The following UNC79 variants were observed in gnomAD, a reference collection of about 807,000 sequenced individuals.
UNC79 encodes the protein unc-79 subunit of NALCN channel complex, also known as protein unc-79 homolog.
UNC79 carries 37 observed loss-of-function variants against 283.1 expected under a neutral mutation model. That is an observed-to-expected ratio of 0.13 (90% confidence interval 0.10 to 0.17). The LOEUF is 0.17. Ranked by LOEUF, UNC79 falls within the 10% of genes least tolerant of loss-of-function variation. The pLI, the probability that UNC79 is intolerant of heterozygous loss-of-function variation, is 1.00. For missense variants in UNC79, 2,272 were observed against 3,211.1 expected, an observed-to-expected ratio of 0.71 and a Z score of 7.07; for synonymous variants, 1,107 against 1,200.2, an observed-to-expected ratio of 0.92 and a Z score of 1.61.
chr14:93,336,913 A>G (rs1360907049), intron 1 of UNC79, among the ~76,000 whole-genome samples: 1 of 152,094 alleles, frequency 6.6e-6, no homozygotes, highest in African/African-American at 2.4e-5. Context: ...TGTTTGGATC[A>G]TGAAGGCAGA....
chr14:93,387,436 G>T (rs1363926629), intron 1 of UNC79, among the ~76,000 whole-genome samples: 1 of 151,970 alleles, frequency 6.6e-6, no homozygotes, highest in Admixed American at 6.6e-5. Flanking sequence ...GGTATGCTAT[G>T]TTGCCATTAG....
chr14:93,489,362 A>G (rs1252179706), intron 5 of UNC79, among the ~76,000 whole-genome samples: 1 of 152,202 alleles, frequency 6.6e-6, no homozygotes, highest in Non-Finnish European at 1.5e-5. Context: ...ATCGTAACTC[A>G]TTTCAGCATG....
intron 1 of UNC79, chr14:93,333,631 C>T (rs1037438605): frequency 1.8e-5 from 7 of 389,360 alleles, no homozygotes; most frequent in Admixed American, 4.5e-5. Context: ...ACAAGATACC[C>T]CTGTAAACAA....
intron 14 of UNC79, among the ~76,000 whole-genome samples, chr14:93,550,757 T>G (rs1326684406): frequency 1.3e-5 from 2 of 151,980 alleles, no homozygotes; most frequent in African/African-American, 4.8e-5. Flanking sequence ...CAAAACCCAT[T>G]TAGAATAGAG....
rs565911745 is a variant in UNC79, at chr14:93,465,996, A to T, written c.23-1675A>T. 1.1e-4 allele frequency among the ~76,000 whole-genome samples: 16 copies of T among 152,348 alleles called. No homozygotes were observed. In the East Asian group the frequency reaches 3.1e-3, roughly 29 times the overall value. On this transcript the variant is annotated intron_variant, in intron 1 of 48. Transcript: ENST00000555664. ...GAAATATAATGAATAGCAGATCAAA[A>T]ACACTGAGAAGGAAATGGACTTTTG...
chr14:93,700,868 A>G (rs2075477707), intron 47 of UNC79, among the ~76,000 whole-genome samples: 2 of 152,264 alleles, frequency 1.3e-5, no homozygotes, highest in African/African-American at 4.8e-5. Context: ...GCCCTATATA[A>G]TCACCAGGGG....
chr14:93,393,787 C>G (rs75200415), intron 1 of UNC79, among the ~76,000 whole-genome samples: 5 of 152,126 alleles, frequency 3.3e-5, no homozygotes, highest in Admixed American at 1.3e-4. Flanking sequence ...TTCCCACCCC[C>G]CTAGAAAGTA....
intron 1 of UNC79, chr14:93,347,394 G>T (rs747544302): frequency 1.3e-6 from 2 of 1,522,752 alleles, no homozygotes; most frequent in Non-Finnish European, 1.8e-6. Flanking sequence ...TGTCTGCCGC[G>T]GTGAGTTGAG....
exon 5 of UNC79, chr14:93,487,703 C>T (rs777377323): frequency 3.1e-6 from 5 of 1,614,040 alleles, no homozygotes; most frequent in South Asian, 1.1e-5. Flanking sequence ...CCCATGTTAA[C>T]CTCTCTGCAT....
Position 93,634,649 on chromosome 14 carries a change from T to C in UNC79, c.5717-2567T>C. ...CAACTGGGACACTGGTGGGTCAAGCTTTTTCTTCTCATTCTACCTCTCGGA... is the reference window on the plus strand; with the variant it reads ...CAACTGGGACACTGGTGGGTCAAGCCTTTTCTTCTCATTCTACCTCTCGGA... On this transcript the variant is annotated intron_variant, in intron 31 of 48. Coordinates refer to ENST00000555664, the Ensembl canonical transcript of UNC79. The C allele has an allele frequency of 2.5e-6, 4 of 1,605,722 alleles. No homozygotes were observed. The highest frequency in any genetic ancestry group is 3.4e-6 in the Non-Finnish European group (4 of 1,172,442).
exon 16 of UNC79, chr14:93,572,794 A>G: frequency 6.2e-7 from 1 of 1,613,948 alleles, no homozygotes; most frequent in Non-Finnish European, 8.5e-7. Context: ...TCTGTGCAGG[A>G]GCAAGCTTTA....
At chr14:93,674,299 G>T (rs1208346426) in intron 41 of UNC79, among the ~76,000 whole-genome samples, 3 of 152,278 alleles carry the variant, frequency 2.0e-5, no homozygotes, top group African/African-American at 7.2e-5. Flanking sequence ...TGGGATTAGG[G>T]TTCAGCATAG....
chr14:93,666,741 G>A (rs147270197), intron 40 of UNC79, among the ~76,000 whole-genome samples: 1 of 152,296 alleles, frequency 6.6e-6, no homozygotes, highest in African/African-American at 2.4e-5. Context: ...AGTGAGCAAA[G>A]TGGATGCAAC....
chr14:93,358,237 G>T (rs377090054), intron 1 of UNC79, among the ~76,000 whole-genome samples: 3 of 152,070 alleles, frequency 2.0e-5, no homozygotes, highest in Non-Finnish European at 2.9e-5. Context: ...TGACACCCCT[G>T]AGAGGCAAGG....
intron 2 of UNC79, among the ~76,000 whole-genome samples, chr14:93,471,468 G>A (rs1275137237): frequency 6.6e-6 from 1 of 152,072 alleles, no homozygotes; most frequent in Non-Finnish European, 1.5e-5. Flanking sequence ...TCTGAGCAGG[G>A]CATTCTTAAT....
At chr14:93,464,169 A>G (rs2057066743) in intron 1 of UNC79, among the ~76,000 whole-genome samples, 2 of 152,130 alleles carry the variant, frequency 1.3e-5, no homozygotes, top group African/African-American at 4.8e-5. Context: ...AAACAAAACA[A>G]AAAAAGATTT....
chr14:93,469,210 G>A (rs967445945), intron 2 of UNC79, among the ~76,000 whole-genome samples: 2 of 152,162 alleles, frequency 1.3e-5, no homozygotes, highest in Non-Finnish European at 2.9e-5. Context: ...TTTGCAAGAC[G>A]TAAAGATTCC....
chr14:93,604,173 T>G (rs1019895008), intron 26 of UNC79, among the ~76,000 whole-genome samples: 5 of 152,156 alleles, frequency 3.3e-5, no homozygotes, highest in African/African-American at 1.2e-4. Context: ...TGTTTAAATA[T>G]ATTACTAACT....
At chr14:93,656,475 A>G (rs1281342925) in intron 38 of UNC79, among the ~76,000 whole-genome samples, 2 of 151,970 alleles carry the variant, frequency 1.3e-5, no homozygotes, top group Non-Finnish European at 2.9e-5. Flanking sequence ...AGGCTAGGCA[A>G]TATAGTGAGA....
Sources: gnomAD v4.1 joint callset for allele counts (sites outside exome capture counted in the v4.1 genomes callset) on GRCh38, gnomAD v4.1.1 for gene constraint, MANE v1.5 for transcripts, NCBI Gene and HGNC (gene_info 2026-07-23, HGNC 2026-07-21) for gene names.